Variants in CRTC1 observed in about 807,000 individuals in gnomAD.
CRTC1 encodes the protein CREB-regulated transcription coactivator 1.
CRTC1 carries 18 observed loss-of-function variants against 66.1 expected under a neutral mutation model. The observed-to-expected ratio is 0.27, with a 90% CI of 0.19 to 0.40. The LOEUF is 0.40. Ranked by LOEUF, CRTC1 falls within the 10% of genes least tolerant of loss-of-function variation. CRTC1 has a pLI of 1.00. For missense variants in CRTC1, 669 were observed against 887.9 expected, an observed-to-expected ratio of 0.75 and a Z score of 3.13; for synonymous variants, 416 against 398.8, an observed-to-expected ratio of 1.04 and a Z score of -0.51.
In CRTC1 at chr19:18,768,689, C is replaced by A; in HGVS notation, c.1216C>A (p.Arg406Ser). Reference sequence around the variant, plus strand: ...CCTGTTGCCCAGCGCCAGCCTGACTCGTGGGCCACAGCCGCCCCCGCTTGC... The same window carrying A: ...CCTGTTGCCCAGCGCCAGCCTGACTAGTGGGCCACAGCCGCCCCCGCTTGC... ...GPLLPSASLT[R>S]GPQPPPLAVT... Residue 406 changes from arginine to serine, a missense_variant, in exon 10 of 14, where the codon CGT becomes AGT. Coordinates refer to ENST00000321949, the MANE Select transcript of CRTC1 (RefSeq NM_015321.3). The surrounding 1 kb of genome is among the most constrained non-coding windows in gnomAD (Gnocchi z 5.6). 1 of 1,578,732 alleles carries A rather than the reference C, an allele frequency of 6.3e-7. No homozygotes were observed. The highest frequency in any genetic ancestry group is 8.6e-7 in the Non-Finnish European group (1 of 1,163,646).
rs375271226 is a variant in CRTC1, at chr19:18,759,609, C to A, written c.665+18C>A. ...GGAATCAAGTAAGTCTCCACAGGGC[C>A]CACCCCGCACACTGCATCTGCTGCG... On this transcript the variant is annotated intron_variant, in intron 7 of 13. Coordinates refer to ENST00000321949, the MANE Select transcript of CRTC1 (RefSeq NM_015321.3). The A allele has an allele frequency of 2.5e-6, 4 of 1,611,270 alleles. No homozygotes were observed. The highest frequency in any genetic ancestry group is 2.5e-6 in the Non-Finnish European group (3 of 1,179,024).
chr19:18,745,583 C>T (rs1320469790), intron 2 of CRTC1, among the ~76,000 whole-genome samples: 1 of 152,194 alleles, frequency 6.6e-6, no homozygotes, highest in African/African-American at 2.4e-5. Context: ...AGCTGCACTG[C>T]ACGCCCCTGC....
At chr19:18,709,874 C>A (rs1312502793) in intron 1 of CRTC1, among the ~76,000 whole-genome samples, 2 of 152,188 alleles carry the variant, frequency 1.3e-5, no homozygotes, top group East Asian at 3.9e-4. Flanking sequence ...GCCCATCAGT[C>A]CTGCCTCCTC....
chr19:18,690,225 G>A (rs2052797564), intron 1 of CRTC1, among the ~76,000 whole-genome samples: 1 of 152,082 alleles, frequency 6.6e-6, no homozygotes, highest in Non-Finnish European at 1.5e-5. Context: ...CAGTCATGGT[G>A]GCACGGTCAG....
chr19:18,719,828 G>A (rs2053584297), intron 1 of CRTC1, among the ~76,000 whole-genome samples: 1 of 152,262 alleles, frequency 6.6e-6, no homozygotes, highest in African/African-American at 2.4e-5. Flanking sequence ...CTTCCCTGAG[G>A]TTAGGTCCGG....
intron 2 of CRTC1, among the ~76,000 whole-genome samples, chr19:18,745,448 A>G (rs746200944): frequency 6.6e-5 from 10 of 152,102 alleles, no homozygotes; most frequent in Admixed American, 2.6e-4. Flanking sequence ...GCCCGGAGAG[A>G]GAGGGCGGAG....
rs913747948 is a variant in CRTC1, at chr19:18,688,500, G to T, written c.126+4672G>T. Among the ~76,000 whole-genome samples, 11 of 151,888 alleles carry T rather than the reference G, an allele frequency of 7.2e-5. No homozygotes were observed. In the East Asian group the frequency reaches 1.9e-3, roughly 27 times the overall value. The stretch of plus-strand genomic sequence containing the variant: ...GTCGCCCAGGCTGGAGTGTGGTGGT[G>T]CGATCTTGACTCACTGCAACCTCCG... On this transcript the variant is annotated intron_variant, in intron 1 of 13. Coordinates refer to ENST00000321949, the MANE Select transcript of CRTC1 (RefSeq NM_015321.3).
At chr19:18,751,755 G>A (rs2054368713) in intron 5 of CRTC1, among the ~76,000 whole-genome samples, 1 of 152,120 alleles carries the variant, frequency 6.6e-6, no homozygotes. Context: ...AGCATTGAGT[G>A]ACATGATCTG....
At chr19:18,714,400 T>G (rs2053460594) in intron 1 of CRTC1, among the ~76,000 whole-genome samples, 1 of 151,960 alleles carries the variant, frequency 6.6e-6, no homozygotes, top group South Asian at 2.1e-4. Context: ...CTCCGCCTCC[T>G]GGGTTCAAGC....
intron 1 of CRTC1, among the ~76,000 whole-genome samples, chr19:18,703,245 G>A (rs1022732951): frequency 1.3e-5 from 2 of 152,080 alleles, no homozygotes; most frequent in East Asian, 3.9e-4. Context: ...GTGTTAGCCA[G>A]GATGGTCTCA....
At chr19:18,765,275 G>C in intron 8 of CRTC1, 129 bp from the exon 9 acceptor site, 1 of 1,370,398 alleles carries the variant, frequency 7.3e-7, no homozygotes, top group Non-Finnish European at 9.7e-7. Flanking sequence ...TTGGCAGTTG[G>C]GACATGTCCA....
intron 1 of CRTC1, among the ~76,000 whole-genome samples, chr19:18,698,636 C>T (rs557396371): frequency 3.3e-5 from 5 of 151,604 alleles, no homozygotes; most frequent in Admixed American, 1.3e-4. Flanking sequence ...AGCAGGTGCT[C>T]AGCAGATGCG....
Position 18,771,876 on chromosome 19 carries a change from G to A in CRTC1, c.1425+330G>A, listed in dbSNP as rs534871399. 6.6e-6 allele frequency among the ~76,000 whole-genome samples: 1 copy of A among 152,298 alleles called. No homozygotes were observed. The highest frequency in any genetic ancestry group is 2.1e-4 in the South Asian group (1 of 4,832). ...GGACAATGCCCTCCACACCCAGTGT[G>A]TCACCCAGAGCATGAGCTGGAGCTT... is the stretch of plus-strand genomic sequence containing the variant. On this transcript the variant is annotated intron_variant, in intron 11 of 13. Coordinates refer to ENST00000321949, the MANE Select transcript of CRTC1 (RefSeq NM_015321.3). The surrounding 1 kb of genome is among the most constrained non-coding windows in gnomAD (Gnocchi z 4.6).
chr19:18,736,760 C>T (rs1326403466), intron 1 of CRTC1, among the ~76,000 whole-genome samples: 1 of 152,068 alleles, frequency 6.6e-6, no homozygotes, highest in Non-Finnish European at 1.5e-5. Context: ...CCCTCCCTGG[C>T]CCCCCCACAG....
chr19:18,692,256 TCTGCAAGCGG>T (rs1286109071), intron 1 of CRTC1, among the ~76,000 whole-genome samples: 2 of 152,130 alleles, frequency 1.3e-5, no homozygotes, highest in African/African-American at 4.8e-5. Flanking sequence ...GACTTATGCA[TCTGCAAGCGG>T]CTGCAGCCCT....
chr19:18,755,285 A>AG (rs1400692802), intron 6 of CRTC1, among the ~76,000 whole-genome samples: 1 of 152,114 alleles, frequency 6.6e-6, no homozygotes, highest in East Asian at 1.9e-4. Flanking sequence ...TTTTAGAAAT[A>AG]GGGTCTCTCT....
At position 18,759,580 on chromosome 19, in the gene CRTC1, C is replaced by G. The variant is rs538326217; in HGVS notation, c.654C>G (p.Val218=). The change falls in exon 7 of 14, where the codon GTC becomes GTG. Residue 218 remains valine, a synonymous_variant. Transcript: ENST00000321949. ...GGTCCAGGCCCAAGTCCTGTGAGGT[C>G]CCCGGAATCAAGTAAGTCTCCACAG... The part of the protein sequence containing the change: ...KTGSRPKSCE[V]PGINIFPSAD... The G allele has an allele frequency of 1.7e-5, 27 of 1,613,170 alleles. No homozygotes were observed. In the East Asian group the frequency reaches 4.2e-4, roughly 25 times the overall value.
chr19:18,730,551 C>T lies in CRTC1; in HGVS notation c.127-12359C>T, dbSNP rs141331094. 2.1e-3 allele frequency among the ~76,000 whole-genome samples: 313 copies of T among 152,224 alleles called. 2 individuals carry two copies. The highest frequency in any genetic ancestry group is 7.2e-3 in the African/African-American group (300 of 41,542). ...GCTGTCCTGGTTTGGGCTTCATCTG[C>T]ACCCTCCCCGTCCCTCTGCAGTGAC... On this transcript the variant is annotated intron_variant, in intron 1 of 13. Transcript: ENST00000321949.
Position 18,780,658 on chromosome 19 carries a change from G to A in CRTC1, c.*3276G>A, listed in dbSNP as rs372347207. Reference sequence around the variant, plus strand: ...CTGAGCCCGGTCAGGTGGGACAGGAGCCTGCCAGAAGCCCATGGGGGGCCA... The same window carrying A: ...CTGAGCCCGGTCAGGTGGGACAGGAACCTGCCAGAAGCCCATGGGGGGCCA... On this transcript the variant is annotated 3_prime_UTR_variant, in exon 14 of 14. Coordinates refer to ENST00000321949, the MANE Select transcript of CRTC1 (RefSeq NM_015321.3). 124 of 226,064 alleles carry A rather than the reference G, an allele frequency of 5.5e-4. No homozygotes were observed. The highest frequency in any genetic ancestry group is 2.2e-3 in the African/African-American group (97 of 45,060). The allele number at this position is 226,064 out of a possible 1,614,324, so 14.0% of individuals were successfully genotyped here.
Sources: allele counts gnomAD v4.1 joint callset (sites outside exome capture counted in the v4.1 genomes callset), GRCh38; gene constraint gnomAD v4.1.1; non-coding constraint Gnocchi (gnomAD v3.1); transcripts MANE v1.5; gene names NCBI Gene and HGNC (gene_info 2026-07-23, HGNC 2026-07-21).